Variants in MBP observed in about 807,000 individuals in gnomAD.
The protein encoded by MBP is Golli-MBP.
A neutral mutation model predicts 35.8 loss-of-function variants in MBP; 16 were observed. That is an observed-to-expected ratio of 0.45 (90% CI 0.30 to 0.68). The LOEUF is 0.68. Among genes scored for constraint, MBP ranks in the 30% least tolerant of loss-of-function variants. The pLI, the probability that MBP is intolerant of heterozygous loss-of-function variation, is 0.08. For synonymous variants in MBP, 143 were observed against 159.6 expected (o/e 0.90, Z 0.78); for missense variants, 380 against 404.7 (o/e 0.94, Z 0.52).
chr18:77,011,607 G>A (rs897000821), intron 4 of MBP, among the ~76,000 whole-genome samples: 1 of 152,196 alleles, frequency 6.6e-6, no homozygotes, highest in Non-Finnish European at 1.5e-5. Flanking sequence ...CACTCCCAGA[G>A]CCAGGAAGAG....
chr18:77,013,925 C>A, intron 4 of MBP: 1 of 985,400 alleles, frequency 1.0e-6, no homozygotes, highest in African/African-American at 1.7e-5. Flanking sequence ...CAAGTGGCCT[C>A]AGATATGAGC....
intron 4 of MBP, among the ~76,000 whole-genome samples, chr18:77,007,003 T>C (rs139795120): frequency 2.0e-5 from 3 of 152,222 alleles, no homozygotes; most frequent in African/African-American, 7.2e-5. Flanking sequence ...TCAGCTCGCG[T>C]TTCTCAGCCG....
At chr18:77,051,183 G>A (rs908643296) in intron 3 of MBP, among the ~76,000 whole-genome samples, 10 of 152,054 alleles carry the variant, frequency 6.6e-5, no homozygotes, top group African/African-American at 2.4e-4. Context: ...TATTATTGTG[G>A]GAAATGATTG....
At chr18:77,025,340 G>A (rs1381500865) in intron 3 of MBP, among the ~76,000 whole-genome samples, 1 of 152,214 alleles carries the variant, frequency 6.6e-6, no homozygotes, top group East Asian at 1.9e-4. Context: ...GAGAGACCCA[G>A]AGGCTTTCTG....
At chr18:77,056,962 C>T (rs1260123812) in intron 3 of MBP, among the ~76,000 whole-genome samples, 1 of 152,150 alleles carries the variant, frequency 6.6e-6, no homozygotes, top group South Asian at 2.1e-4. Context: ...ACACCCACGG[C>T]GTGAGATTTC....
At chr18:77,100,092 T>C (rs1975938481) in intron 2 of MBP, among the ~76,000 whole-genome samples, 2 of 152,224 alleles carry the variant, frequency 1.3e-5, no homozygotes, top group Admixed American at 1.3e-4. Context: ...GTCCTAAACC[T>C]CACTGCCTCA....
chr18:77,096,947 C>T (rs551666803), intron 2 of MBP, among the ~76,000 whole-genome samples: 2 of 152,192 alleles, frequency 1.3e-5, no homozygotes, highest in African/African-American at 2.4e-5. Context: ...TGAACTGAGA[C>T]AGTGTTCAAA....
chr18:77,035,360 G>A (rs1972718469), intron 3 of MBP, among the ~76,000 whole-genome samples: 1 of 152,212 alleles, frequency 6.6e-6, no homozygotes. Flanking sequence ...AATGTTGTGT[G>A]CCCAGTAGAT....
rs947135999 is a variant in MBP, at chr18:77,105,252, G to A, written c.10C>T (p.His4Tyr). Reference protein sequence around the residue: MGNHAGKRELNAEK... With the variant: MGNYAGKRELNAEK... ...GCATTTAATTCTCGTTTGCCTGCGT[G>A]GTTTCCCATCCTGAATGGATTGGCT... The change falls in exon 2 of 9, where the codon CAC (histidine) becomes TAC (tyrosine). Residue 4 changes from histidine (H) to tyrosine (Y), a missense_variant. Transcript: ENST00000355994. The A allele has an allele frequency of 2.5e-6, 4 of 1,612,496 alleles. No individual in the cohort carries two copies. Among genetic ancestry groups the A allele is most frequent in the Admixed American group, 1.7e-5 (1 of 59,970 alleles).
At chr18:76,996,048 C>T (rs1057195696) in intron 4 of MBP, among the ~76,000 whole-genome samples, 1 of 152,130 alleles carries the variant, frequency 6.6e-6, no homozygotes, top group Admixed American at 6.5e-5. Context: ...AACACTTCAG[C>T]AAAGAGGACG....
At chr18:77,092,047 G>A (rs1347751246) in intron 2 of MBP, among the ~76,000 whole-genome samples, 3 of 152,220 alleles carry the variant, frequency 2.0e-5, no homozygotes, top group Non-Finnish European at 2.9e-5. Flanking sequence ...CATTTTAAGT[G>A]CATTTTATTA....
At chr18:77,025,705 CTTT>C (rs540022394) in intron 3 of MBP, among the ~76,000 whole-genome samples, 56 of 108,768 alleles carry the variant, frequency 5.1e-4, no homozygotes, top group Admixed American at 2.3e-3. Context: ...TATTGAAATA[CTTT>C]TTTTTTTTTT....
intron 1 of MBP, chr18:77,110,288 C>A (rs143462058): frequency 6.6e-6 from 1 of 152,244 alleles, no homozygotes; most frequent in East Asian, 1.9e-4. Context: ...GTCTCAGAAG[C>A]GGATACGAGG....
At chr18:77,061,812 T>C (rs904864740) in intron 3 of MBP, among the ~76,000 whole-genome samples, 1 of 152,246 alleles carries the variant, frequency 6.6e-6, no homozygotes, top group East Asian at 1.9e-4. Context: ...CCAATATATG[T>C]ACTTAAATGT....
Position 76,978,992 on chromosome 18 carries a change from GGTTT to G in MBP, c.*1431_*1434del, listed in dbSNP as rs1969038923. On this transcript the variant is annotated 3_prime_UTR_variant, in exon 9 of 9. Transcript: ENST00000355994. ...GAGTGCTTCTGCTGAAAAATTTGGAGGTTTGTGTCTGGAGTTTTGTTCTTTGTAA... is the reference window on the plus strand; with the variant it reads ...GAGTGCTTCTGCTGAAAAATTTGGAGGTGTCTGGAGTTTTGTTCTTTGTAA... 1 of 152,156 alleles carries G rather than the reference GGTTT, an allele frequency of 6.6e-6. No homozygotes were observed. The highest frequency in any genetic ancestry group is 1.5e-5 in the Non-Finnish European group (1 of 68,026). The allele number at this position is 152,156 out of a possible 1,614,324, so 9.4% of individuals were successfully genotyped here.
In MBP at chr18:76,979,900, C is replaced by G. The variant is rs952812857; in HGVS notation, c.*527G>C. 1 of 700,176 alleles carries G rather than the reference C, an allele frequency of 1.4e-6. No homozygotes were observed. Among genetic ancestry groups the G allele is most frequent in the African/African-American group, 1.8e-5 (1 of 57,034 alleles). 43.4% of individuals were successfully genotyped at this position (700,176 alleles called of 1,614,324 possible). The stretch of plus-strand genomic sequence containing the variant: ...AGCTCCCACATGTAGTAAGCCACTC[C>G]TTGACTGTCTAATCCTGTTAGGAAA... On this transcript the variant is annotated 3_prime_UTR_variant, in exon 9 of 9. Transcript: ENST00000355994.
chr18:76,988,549 AT>A lies in MBP; in HGVS notation c.718-23del. On this transcript the variant is annotated intron_variant, in intron 6 of 8. Transcript: ENST00000355994. This position sits in a 1 kb window ranked among gnomAD's most constrained non-coding sequence, Gnocchi z 5.2. ...TCCCCTGCATGAGGAAGACAGAGAA[AT>A]AATGACATGGTGGTCAGTGAAGGGA... 6.2e-7 allele frequency: 1 copy of A among 1,606,804 alleles called. No individual in the cohort carries two copies. The highest frequency in any genetic ancestry group is 8.5e-7 in the Non-Finnish European group (1 of 1,175,204).
At chr18:77,060,848 A>AC (rs979696525) in intron 3 of MBP, among the ~76,000 whole-genome samples, 1 of 152,056 alleles carries the variant, frequency 6.6e-6, no homozygotes, top group African/African-American at 2.4e-5. Context: ...ATGAAGTCGC[A>AC]CCCCCAGTTG....
chr18:77,009,985 C>T, intron 4 of MBP: 3 of 1,180,780 alleles, frequency 2.5e-6, no homozygotes, highest in Non-Finnish European at 3.7e-6. Flanking sequence ...GGCAATGCCC[C>T]AAAGTCCTCC....
Sources: allele counts gnomAD v4.1 joint callset (sites outside exome capture counted in the v4.1 genomes callset), GRCh38; gene constraint gnomAD v4.1.1; non-coding constraint Gnocchi (gnomAD v3.1); transcripts MANE v1.5; gene names NCBI Gene and HGNC (gene_info 2026-07-23, HGNC 2026-07-21).